Variants in LIMK2 observed in about 807,000 individuals in gnomAD.
The protein encoded by LIMK2 is LIM domain kinase 2.
In LIMK2, 35 loss-of-function variants were observed where a neutral mutation model predicts 75.7. That is an observed-to-expected ratio of 0.46 (90% CI 0.35 to 0.61). LIMK2 has a LOEUF of 0.61. LIMK2 is among the 20% of genes least tolerant of loss of function. The probability of loss-of-function intolerance (pLI) is 0.00; values close to 1 mark genes in which losing one functional copy is unlikely to be tolerated. For missense variants in LIMK2, 623 were observed against 831.0 expected, an observed-to-expected ratio of 0.75 and a Z score of 3.08; for synonymous variants, 301 against 319.2, an observed-to-expected ratio of 0.94 and a Z score of 0.61.
At position 31,262,542 on chromosome 22, in the gene LIMK2, G is replaced by T; in HGVS notation, c.658-53G>T. On this transcript the variant is annotated intron_variant, in intron 6 of 15. Coordinates refer to ENST00000331728, the MANE Select transcript of LIMK2 (RefSeq NM_005569.4). The surrounding 1 kb of genome is among the most constrained non-coding windows in gnomAD (Gnocchi z 5.0). Reference sequence around the variant, plus strand: ...GCCTGAGTCATCTGGGTTGGCCATGGGTGGCCTGGGATGGGGCAGCCTGTG... The same window carrying T: ...GCCTGAGTCATCTGGGTTGGCCATGTGTGGCCTGGGATGGGGCAGCCTGTG... 2 of 1,545,156 alleles carry T rather than the reference G, an allele frequency of 1.3e-6. No homozygotes were observed. Among genetic ancestry groups the T allele is most frequent in the Non-Finnish European group, 8.8e-7 (1 of 1,133,286 alleles).
At chr22:31,237,952 A>G (rs2123796334) in intron 2 of LIMK2, among the ~76,000 whole-genome samples, 1 of 150,444 alleles carries the variant, frequency 6.6e-6, no homozygotes, top group African/African-American at 2.4e-5. Context: ...TAAAAAAAAA[A>G]AAAAGTACAA....
chr22:31,243,352 C>T (rs1045713845), intron 2 of LIMK2, among the ~76,000 whole-genome samples: 23 of 152,160 alleles, frequency 1.5e-4, no homozygotes, highest in Admixed American at 6.5e-4. Context: ...TTGGAGGCTT[C>T]GGAGTCCTCA....
intron 15 of LIMK2, chr22:31,276,880 C>T: frequency 3.1e-6 from 5 of 1,612,538 alleles, no homozygotes; most frequent in Non-Finnish European, 4.2e-6. Context: ...CAAGTATGAC[C>T]CCAAGGAGCT....
In LIMK2 at chr22:31,262,693, G is replaced by A. The variant is rs2048853260; in HGVS notation, c.756G>A (p.Arg252=). ...TGGACCAGCTGCGGCTGGAGGCCCGGCTCGCTCCTCACATGCAGAATGCCG... is the reference window on the plus strand; with the variant it reads ...TGGACCAGCTGCGGCTGGAGGCCCGACTCGCTCCTCACATGCAGAATGCCG... ...QRLDQLRLEA[R]LAPHMQNAGH... Residue 252 remains arginine, a synonymous_variant, in exon 7 of 16, where the codon CGG becomes CGA. Coordinates refer to ENST00000331728, the MANE Select transcript of LIMK2 (RefSeq NM_005569.4). The surrounding 1 kb of genome is among the most constrained non-coding windows in gnomAD (Gnocchi z 5.0). 3.1e-6 allele frequency: 5 copies of A among 1,614,164 alleles called. No homozygotes were observed. Among genetic ancestry groups the A allele is most frequent in the Middle Eastern group, 3.3e-4 (2 of 6,062 alleles).
intron 2 of LIMK2, among the ~76,000 whole-genome samples, chr22:31,248,012 G>A (rs896416413): frequency 2.6e-5 from 4 of 151,240 alleles, no homozygotes; most frequent in Non-Finnish European, 2.9e-5. Context: ...AGGTCCCCCC[G>A]TCTGGTGTGG....
chr22:31,248,868 A>C, intron 2 of LIMK2: 1 of 1,311,288 alleles, frequency 7.6e-7, no homozygotes, highest in Non-Finnish European at 1.1e-6. Context: ...GTCCTTTACC[A>C]TCGGTTCTGC....
chr22:31,263,781 T>A (rs2048864979), intron 7 of LIMK2, among the ~76,000 whole-genome samples: 1 of 152,232 alleles, frequency 6.6e-6, no homozygotes, highest in Non-Finnish European at 1.5e-5. Flanking sequence ...GAGGATTGCT[T>A]GAGGCCAGGA....
At chr22:31,248,616 T>G in intron 2 of LIMK2, 1 of 1,611,456 alleles carries the variant, frequency 6.2e-7, no homozygotes, top group South Asian at 1.1e-5. Context: ...CAGCCAGAGG[T>G]GCCGGGAGCC....
chr22:31,252,813 A>G (rs1818969294), intron 2 of LIMK2, among the ~76,000 whole-genome samples: 1 of 152,300 alleles, frequency 6.6e-6, no homozygotes, highest in Non-Finnish European at 1.5e-5. Context: ...ACCCCATAAG[A>G]TATTATTAGC....
At chr22:31,221,524 G>A (rs1271781678) in intron 1 of LIMK2, among the ~76,000 whole-genome samples, 2 of 151,864 alleles carry the variant, frequency 1.3e-5, no homozygotes, top group Non-Finnish European at 2.9e-5. Flanking sequence ...TCGCTCTGTC[G>A]CCCAAGCTGG....
In LIMK2 at chr22:31,279,801, A is replaced by G. The variant is rs2123878948; in HGVS notation, c.*1360A>G. 6.6e-6 allele frequency: 1 copy of G among 151,308 alleles called. No homozygotes were observed. Among genetic ancestry groups the G allele is most frequent in the South Asian group, 2.1e-4 (1 of 4,824 alleles). The allele number at this position is 151,308 out of a possible 1,614,324, so 9.4% of individuals were successfully genotyped here. ...AAGGAGAGTGGTTGCTGTTAATATT[A>G]TCTTATCTATTGGGTGGTATGTGAA... On this transcript the variant is annotated 3_prime_UTR_variant, in exon 16 of 16. Coordinates refer to ENST00000331728, the MANE Select transcript of LIMK2 (RefSeq NM_005569.4).
intron 7 of LIMK2, 59 bp from the exon 8 acceptor site, chr22:31,265,887 G>C: frequency 6.7e-7 from 1 of 1,486,108 alleles, no homozygotes; most frequent in Non-Finnish European, 9.3e-7. Context: ...TCCCTCCAGG[G>C]TTTCTTGGCC....
chr22:31,271,287 G>GCCCTCTA, intron 12 of LIMK2, 86 bp downstream of exon 12: 2 of 1,146,804 alleles, frequency 1.7e-6, no homozygotes, highest in African/African-American at 1.5e-5. Context: ...TGTCCCCTCT[G>GCCCTCTA]GCTAGAGGGC....
chr22:31,277,509 G>T (rs2049043567), intron 15 of LIMK2: 1 of 1,036,156 alleles, frequency 9.7e-7, no homozygotes, highest in Admixed American at 5.1e-5. Flanking sequence ...ATAGGCCAAG[G>T]ACCGCAGTCC....
chr22:31,231,361 T>C (rs2048527015), intron 2 of LIMK2, among the ~76,000 whole-genome samples: 1 of 152,264 alleles, frequency 6.6e-6, no homozygotes, highest in South Asian at 2.1e-4. Flanking sequence ...GCTGTTATGC[T>C]GTTGATGTTG....
rs115902133 is a variant in LIMK2 at position 31,275,204 on chromosome 22, T to C, written c.1668T>C (p.Phe556=). ...DPDCLPRTLD[F]GLNVKLFWEK... is the part of the protein sequence containing the mutation. ...ACTGCCTTCCCCGAACACTGGACTTTGGCCTCAACGTGAAGCTTTTCTGGG... is the reference window on the plus strand; with the variant it reads ...ACTGCCTTCCCCGAACACTGGACTTCGGCCTCAACGTGAAGCTTTTCTGGG... Residue 556 remains phenylalanine, a synonymous_variant, in exon 15 of 16, where the codon TTT becomes TTC. Coordinates refer to ENST00000331728, the MANE Select transcript of LIMK2 (RefSeq NM_005569.4). The C allele has an allele frequency of 1.5e-4, 240 of 1,614,246 alleles. 1 individual carries two copies. The African/African-American group carries it at 2.9e-3, about 19-fold the overall frequency.
intron 1 of LIMK2, among the ~76,000 whole-genome samples, chr22:31,213,628 G>C (rs2048366443): frequency 6.6e-6 from 1 of 152,144 alleles, no homozygotes. Context: ...TTTTAGGCTG[G>C]GCGTGGTGGC....
intron 11 of LIMK2, among the ~76,000 whole-genome samples, chr22:31,270,452 T>C (rs1251371094): frequency 6.6e-6 from 1 of 152,054 alleles, no homozygotes; most frequent in Non-Finnish European, 1.5e-5. Context: ...TCCAGGAGCC[T>C]AAGGGATGAA....
intron 1 of LIMK2, among the ~76,000 whole-genome samples, chr22:31,220,022 C>T (rs1015414079): frequency 6.6e-6 from 1 of 152,196 alleles, no homozygotes; most frequent in African/African-American, 2.4e-5. Context: ...TTGGATTGAT[C>T]CTCCACTAGG....
Sources: allele counts gnomAD v4.1 joint callset (sites outside exome capture counted in the v4.1 genomes callset), GRCh38; gene constraint gnomAD v4.1.1; non-coding constraint Gnocchi (gnomAD v3.1); transcripts MANE v1.5; gene names NCBI Gene and HGNC (gene_info 2026-07-23, HGNC 2026-07-21).